Variants in NUDCD1 observed in about 807,000 individuals in gnomAD.
NUDCD1 encodes NudC domain containing 1, also known as nudC domain-containing protein 1.
In NUDCD1, 60 loss-of-function variants were observed where a neutral mutation model predicts 67.8. That is an observed-to-expected ratio of 0.88 (90% confidence interval 0.72 to 1.10). The LOEUF is 1.10. NUDCD1 is among the 50% of genes least tolerant of loss of function. The pLI is 0.00. For synonymous variants in NUDCD1, 244 were observed against 230.8 expected (o/e 1.06, Z -0.52); for missense variants, 643 against 695.0 (o/e 0.93, Z 0.84).
chr8:109,257,847 C>G (rs1813773913), intron 8 of NUDCD1, among the ~76,000 whole-genome samples: 1 of 152,032 alleles, frequency 6.6e-6, no homozygotes, highest in South Asian at 2.1e-4. Context: ...ATGTCTATGA[C>G]TGAGTTCTAA....
intron 8 of NUDCD1, among the ~76,000 whole-genome samples, chr8:109,248,890 A>T (rs1377502587): frequency 1.3e-5 from 2 of 151,670 alleles, no homozygotes; most frequent in Non-Finnish European, 2.9e-5. Flanking sequence ...TCCTTTATTC[A>T]TGCTTTTTTT....
Position 109,296,504 on chromosome 8 carries a change from G to A in NUDCD1, c.339C>T (p.Asn113=). The part of the protein sequence containing the change: ...RLPTDLTACD[N]RLCASIHFSS... ...AGAAATGGATAGATGCACAAAGACG[G>A]TTGTCACATGCTGTCAAATCTGTAG... Residue 113 remains asparagine (N), a synonymous_variant, in exon 3 of 10, where the codon AAC becomes AAT. Transcript: ENST00000239690. The A allele has an allele frequency of 2.5e-6, 4 of 1,613,126 alleles. No individual in the cohort carries two copies. The highest frequency in any genetic ancestry group is 3.4e-6 in the Non-Finnish European group (4 of 1,179,306).
At position 109,296,486 on chromosome 8, in the gene NUDCD1, G is replaced by A. The variant is rs1814844859; in HGVS notation, c.357C>T (p.Ile119=). ...TAACCCAGGTAGAAGATGAGAAATG[G>A]ATAGATGCACAAAGACGGTTGTCAC... The part of the protein sequence containing the change: ...TACDNRLCAS[I]HFSSSTWVTL... The change falls in exon 3 of 10, where the codon ATC becomes ATT. Residue 119 remains isoleucine, a synonymous_variant. Coordinates refer to ENST00000239690, the MANE Select transcript of NUDCD1 (RefSeq NM_032869.4). The A allele has an allele frequency of 6.2e-7, 1 of 1,613,174 alleles. No individual in the cohort carries two copies. The highest frequency in any genetic ancestry group is 1.1e-5 in the South Asian group (1 of 91,012).
intron 8 of NUDCD1, among the ~76,000 whole-genome samples, chr8:109,265,823 C>T (rs1007697131): frequency 6.6e-6 from 1 of 152,170 alleles, no homozygotes; most frequent in Non-Finnish European, 1.5e-5. Context: ...TCTAAGACTG[C>T]TGCTCATCTG....
At chr8:109,278,007 T>C (rs922192202) in intron 6 of NUDCD1, among the ~76,000 whole-genome samples, 2 of 152,202 alleles carry the variant, frequency 1.3e-5, no homozygotes, top group African/African-American at 4.8e-5. Flanking sequence ...TAGATATATT[T>C]TTCTTGGATG....
intron 2 of NUDCD1, among the ~76,000 whole-genome samples, chr8:109,320,554 G>A (rs1563684765): frequency 2.0e-5 from 3 of 152,220 alleles, no homozygotes; most frequent in Non-Finnish European, 4.4e-5. Flanking sequence ...CACACATGCT[G>A]TACAATTTGT....
At chr8:109,333,871 G>A (rs762598767) in intron 1 of NUDCD1, 22 bp downstream of exon 1, 14 of 1,613,376 alleles carry the variant, frequency 8.7e-6, no homozygotes, top group Non-Finnish European at 1.2e-5. Context: ...AACGGAGTAC[G>A]AAGGGCGCCG....
chr8:109,256,728 G>GA (rs779500560), intron 8 of NUDCD1, among the ~76,000 whole-genome samples: 82 of 151,452 alleles, frequency 5.4e-4, no homozygotes, highest in Non-Finnish European at 1.1e-3. Flanking sequence ...ACAAGAAAAG[G>GA]AAAAAATGAC....
chr8:109,332,367 A>G (rs2926245), intron 1 of NUDCD1, among the ~76,000 whole-genome samples: 54,834 of 151,990 alleles, frequency 0.36, 10,730 homozygotes, highest in South Asian at 0.5. Context: ...GACAGTGGCT[A>G]AAAGAAATAA....
chr8:109,243,217 C>A lies in NUDCD1; in HGVS notation c.1544G>T (p.Arg515Leu). 6.2e-7 allele frequency: 1 copy of A among 1,613,384 alleles called. No homozygotes were observed. The change falls in exon 10 of 10, where the codon CGT becomes CTT. Residue 515 changes from arginine (R) to leucine (L), a missense_variant. Arg to Leu is a moderately radical substitution (Grantham distance 102). Coordinates refer to ENST00000239690, the MANE Select transcript of NUDCD1 (RefSeq NM_032869.4). ...YSYAALCECL[R>L]RVFIYRQPAP... ...AGGCTGACGATAGATGAATACTCGA[C>A]GAAGGCACTCACAAAGGGCTGCATA...
rs555360965 is a variant in NUDCD1, at chr8:109,295,373, G to GA, written c.459+1010dup. 7.3e-4 allele frequency among the ~76,000 whole-genome samples: 111 copies of GA among 152,226 alleles called. 2 individuals are homozygous for GA. The highest frequency in any genetic ancestry group is 2.9e-3 in the Admixed American group (45 of 15,278). ...CATTACTTCTGTTTTTCAGAAAAATGAAAGTTGTTACTAAAGGCCAAAACA... is the reference window on the plus strand; with the variant it reads ...CATTACTTCTGTTTTTCAGAAAAATGAAAAGTTGTTACTAAAGGCCAAAACA... On this transcript the variant is annotated intron_variant, in intron 3 of 9. Coordinates refer to ENST00000239690, the MANE Select transcript of NUDCD1 (RefSeq NM_032869.4).
chr8:109,292,280 A>G (rs1814727598), intron 4 of NUDCD1, among the ~76,000 whole-genome samples: 1 of 152,088 alleles, frequency 6.6e-6, no homozygotes, highest in Non-Finnish European at 1.5e-5. Flanking sequence ...AAGTTTTCTA[A>G]TATCTAATTA....
chr8:109,306,501 G>A (rs1471413003), intron 2 of NUDCD1, among the ~76,000 whole-genome samples: 1 of 151,852 alleles, frequency 6.6e-6, no homozygotes, highest in Non-Finnish European at 1.5e-5. Flanking sequence ...AAAAAAGTGG[G>A]AATCTGTATA....
At chr8:109,316,668 A>T (rs1815404731) in intron 2 of NUDCD1, among the ~76,000 whole-genome samples, 2 of 152,182 alleles carry the variant, frequency 1.3e-5, no homozygotes, top group Admixed American at 1.3e-4. Context: ...TTTGTTGCTG[A>T]TGAGAAAAAT....
At chr8:109,273,165 T>C (rs1405486825) in intron 7 of NUDCD1, among the ~76,000 whole-genome samples, 5 of 151,658 alleles carry the variant, frequency 3.3e-5, no homozygotes, top group African/African-American at 1.2e-4. Context: ...AAGCAGCAAA[T>C]AAGGAGCTAA....
In NUDCD1 at chr8:109,242,186, A is replaced by G. The variant is rs1365004594; in HGVS notation, c.*823T>C. 1 of 397,728 alleles carries G rather than the reference A, an allele frequency of 2.5e-6. No homozygotes were observed. Among genetic ancestry groups the G allele is most frequent in the Non-Finnish European group, 4.4e-6 (1 of 225,478 alleles). 24.6% of individuals were successfully genotyped at this position (397,728 alleles called of 1,614,324 possible). On this transcript the variant is annotated 3_prime_UTR_variant, in exon 10 of 10. Transcript: ENST00000239690. ...CATGTGATTTGCTTTGTCCAATGGA[A>G]CATTAGTAAATATGATAGATGTACA...
At chr8:109,315,466 T>C (rs184910303) in intron 2 of NUDCD1, 6 of 152,282 alleles carry the variant, frequency 3.9e-5, no homozygotes, top group Non-Finnish European at 7.4e-5. Flanking sequence ...ACAGCCCAGA[T>C]GAACTTAGTC....
At position 109,334,048 on chromosome 8, in the gene NUDCD1, C is replaced by G. The variant is rs1815888123; in HGVS notation, c.-38G>C. The G allele has an allele frequency of 6.2e-7, 1 of 1,613,206 alleles. No individual in the cohort carries two copies. The highest frequency in any genetic ancestry group is 8.5e-7 in the Non-Finnish European group (1 of 1,179,452). ...CCGCAGCGTGAGAATTAATAAAGCC[C>G]TTGTTGAAAGGTCCGCGCTTCACGC... On this transcript the variant is annotated 5_prime_UTR_variant, in exon 1 of 10. Coordinates refer to ENST00000239690, the MANE Select transcript of NUDCD1 (RefSeq NM_032869.4).
chr8:109,293,597 T>C lies in NUDCD1; in HGVS notation c.460-73A>G, dbSNP rs1035273828. The C allele has an allele frequency of 2.8e-5, 20 of 712,520 alleles. No homozygotes were observed. In the Middle Eastern group the frequency reaches 9.9e-4, roughly 35 times the overall value. The allele number at this position is 712,520 out of a possible 1,614,324, so 44.1% of individuals were successfully genotyped here. A position where few individuals can be genotyped will look rare whatever the true frequency, so the allele number is the denominator to read the frequency against. On this transcript the variant is annotated intron_variant, in intron 3 of 9. Coordinates refer to ENST00000239690, the MANE Select transcript of NUDCD1 (RefSeq NM_032869.4). ...ACACAGATAGCATAGAGGGAATATATAGGATTCTGGTGATTCAACAGTTAT... is the reference window on the plus strand; with the variant it reads ...ACACAGATAGCATAGAGGGAATATACAGGATTCTGGTGATTCAACAGTTAT...
Sources: allele counts gnomAD v4.1 joint callset (sites outside exome capture counted in the v4.1 genomes callset), GRCh38; gene constraint gnomAD v4.1.1; transcripts MANE v1.5; gene names NCBI Gene and HGNC (gene_info 2026-07-23, HGNC 2026-07-21).